GALNTL6: variants seen among roughly 807,000 people sequenced by gnomAD.
GALNTL6 encodes polypeptide N-acetylgalactosaminyltransferase-like 6.
Under a neutral mutation model 73.7 loss-of-function variants are expected in GALNTL6, and 46 were observed. The observed-to-expected ratio is 0.62, with a 90% CI of 0.49 to 0.80. The LOEUF (loss-of-function observed/expected upper bound fraction) is 0.80. Among genes scored for constraint, GALNTL6 ranks in the 30% least tolerant of loss-of-function variants. GALNTL6 has a pLI of 0.00. For synonymous variants in GALNTL6, 259 were observed against 263.7 expected (o/e 0.98, Z 0.17); for missense variants, 604 against 755.0 (o/e 0.80, Z 2.34).
intron 7 of GALNTL6, among the ~76,000 whole-genome samples, chr4:172,853,584 A>G (rs1190034614): frequency 5.3e-5 from 8 of 152,124 alleles, no homozygotes; most frequent in Admixed American, 5.2e-4. Flanking sequence ...TCAGGATAGC[A>G]CCTCATATTT....
intron 2 of GALNTL6, among the ~76,000 whole-genome samples, chr4:172,044,046 C>A (rs977012764): frequency 6.6e-6 from 1 of 151,816 alleles, no homozygotes; most frequent in African/African-American, 2.4e-5. Context: ...GTTGAGCTTC[C>A]CACTTAGCTC....
At chr4:172,460,672 A>T (rs919242093) in intron 5 of GALNTL6, among the ~76,000 whole-genome samples, 1 of 152,234 alleles carries the variant, frequency 6.6e-6, no homozygotes, top group African/African-American at 2.4e-5. Context: ...GTGAGATACC[A>T]TCTCATGCCA....
chr4:172,297,921 G>A (rs1739745673), intron 3 of GALNTL6, among the ~76,000 whole-genome samples: 1 of 152,142 alleles, frequency 6.6e-6, no homozygotes, highest in Non-Finnish European at 1.5e-5. Flanking sequence ...GGATGACATT[G>A]AATCTGTAAA....
chr4:172,057,717 AAAAAAAAAAAAT>A (rs1389830742), intron 2 of GALNTL6, among the ~76,000 whole-genome samples: 10,365 of 76,326 alleles, frequency 0.14, 292 homozygotes, highest in East Asian at 0.22. Flanking sequence ...AAAAAAAAAA[AAAAAAAAAAAAT>A]ATATATATAT....
chr4:172,090,153 A>G (rs898701861), intron 2 of GALNTL6, among the ~76,000 whole-genome samples: 12 of 152,208 alleles, frequency 7.9e-5, no homozygotes, highest in African/African-American at 2.9e-4. Context: ...CGGTGCCACA[A>G]TAAACATACG....
intron 2 of GALNTL6, among the ~76,000 whole-genome samples, chr4:171,841,166 C>T (rs576352099): frequency 1.1e-4 from 17 of 152,200 alleles, no homozygotes; most frequent in African/African-American, 4.1e-4. Flanking sequence ...CTTTCCACTT[C>T]AAATACTTAT....
At chr4:172,288,933 C>G (rs569736230) in intron 3 of GALNTL6, among the ~76,000 whole-genome samples, 1 of 151,924 alleles carries the variant, frequency 6.6e-6, no homozygotes, top group African/African-American at 2.4e-5. Context: ...CTTTTCTTTC[C>G]TCTATTCTGT....
chr4:172,089,162 G>A (rs762637563), intron 2 of GALNTL6, among the ~76,000 whole-genome samples: 1 of 152,086 alleles, frequency 6.6e-6, no homozygotes, highest in African/African-American at 2.4e-5. Context: ...AGTGCAGATG[G>A]GTTCTCAAAG....
Position 173,027,454 on chromosome 4 carries a change from A to T in GALNTL6, c.1638+5829A>T, listed in dbSNP as rs539895981. On this transcript the variant is annotated intron_variant, in intron 12 of 12. Coordinates refer to ENST00000506823, the MANE Select transcript of GALNTL6 (RefSeq NM_001034845.3). The stretch of plus-strand genomic sequence containing the variant: ...AGTGACGCTTTTATTGTAAGTCAAG[A>T]GGTCTTATATACACTGGTCCATTGT... Among the ~76,000 whole-genome samples the T allele has an allele frequency of 2.6e-5, 4 of 152,360 alleles. No individual in the cohort carries two copies. The South Asian group carries it at 6.2e-4, about 24-fold the overall frequency.
chr4:172,972,262 G>A (rs184040239), intron 10 of GALNTL6, among the ~76,000 whole-genome samples: 1 of 152,128 alleles, frequency 6.6e-6, no homozygotes, highest in Non-Finnish European at 1.5e-5. Context: ...GAATAAGGAT[G>A]TATAGAACCT....
chr4:172,676,970 C>A (rs1280115876), intron 5 of GALNTL6, among the ~76,000 whole-genome samples: 1 of 152,188 alleles, frequency 6.6e-6, no homozygotes, highest in Non-Finnish European at 1.5e-5. Context: ...TCTTCTTCTA[C>A]TTCAGAGTTC....
chr4:172,985,100 A>C (rs1475621786), intron 10 of GALNTL6, among the ~76,000 whole-genome samples: 1 of 152,160 alleles, frequency 6.6e-6, no homozygotes, highest in Non-Finnish European at 1.5e-5. Context: ...GGCTCAAAAC[A>C]TCATTGCTGG....
intron 5 of GALNTL6, among the ~76,000 whole-genome samples, chr4:172,715,144 T>G (rs1734988678): frequency 6.6e-6 from 1 of 152,204 alleles, no homozygotes; most frequent in South Asian, 2.1e-4. Flanking sequence ...ATTATCCTTT[T>G]GGGGTCTCTA....
At chr4:172,447,899 G>T (rs1459714582) in intron 5 of GALNTL6, among the ~76,000 whole-genome samples, 1 of 152,074 alleles carries the variant, frequency 6.6e-6, no homozygotes, top group Non-Finnish European at 1.5e-5. Context: ...GGAATAAGTT[G>T]TCTCCCAAAA....
intron 5 of GALNTL6, among the ~76,000 whole-genome samples, chr4:172,385,918 CATAT>C (rs58300171): frequency 1.3e-5 from 2 of 151,580 alleles, no homozygotes; most frequent in Non-Finnish European, 1.5e-5. Context: ...CACACACACA[CATAT>C]ATATATTTTT....
chr4:172,000,265 T>C (rs986607659), intron 2 of GALNTL6, among the ~76,000 whole-genome samples: 2 of 152,134 alleles, frequency 1.3e-5, no homozygotes, highest in Non-Finnish European at 1.5e-5. Flanking sequence ...GTATGGAAAA[T>C]AAACTCTCCT....
intron 7 of GALNTL6, among the ~76,000 whole-genome samples, chr4:172,814,267 C>A (rs888741638): frequency 5.3e-5 from 8 of 152,126 alleles, no homozygotes; most frequent in African/African-American, 1.7e-4. Context: ...CTTTGATAAT[C>A]CTGCCCCTAA....
rs538990870 is a variant in GALNTL6, at chr4:172,061,049, T to A, written c.139-168607T>A. Among the ~76,000 whole-genome samples the A allele has an allele frequency of 5.2e-4, 79 of 152,238 alleles. 1 individual carries two copies. The highest frequency in any genetic ancestry group is 1.1e-3 in the Non-Finnish European group (74 of 67,998). On this transcript the variant is annotated intron_variant, in intron 2 of 12. Coordinates refer to ENST00000506823, the MANE Select transcript of GALNTL6 (RefSeq NM_001034845.3). ...TCTTTCTAATTAGCCATGAAGAAAA[T>A]ACACATACATATTAATAACTGGTAA...
chr4:172,323,399 G>A (rs192504973), intron 4 of GALNTL6, among the ~76,000 whole-genome samples: 2 of 152,174 alleles, frequency 1.3e-5, no homozygotes, highest in Admixed American at 6.6e-5. Context: ...AATTGAATAC[G>A]CTGACATTAA....
Sources: allele counts gnomAD v4.1 joint callset (sites outside exome capture counted in the v4.1 genomes callset), GRCh38; gene constraint gnomAD v4.1.1; transcripts MANE v1.5; gene names NCBI Gene and HGNC (gene_info 2026-07-23, HGNC 2026-07-21).